The following MORC1 variants were observed in gnomAD, a reference collection of about 807,000 sequenced individuals.
MORC1 encodes MORC family CW-type zinc finger protein 1.
Under a neutral mutation model 134.9 loss-of-function variants are expected in MORC1, and 59 were observed. The ratio of observed to expected loss-of-function variants is 0.44; its 90% confidence interval spans 0.35 to 0.54. The LOEUF is 0.54. Among genes scored for constraint, MORC1 ranks in the 20% least tolerant of loss-of-function variants. MORC1 has a pLI of 0.00. For synonymous variants in MORC1, 395 were observed against 391.7 expected (o/e 1.01, Z -0.10); for missense variants, 947 against 1,134.5 (o/e 0.83, Z 2.37).
intron 14 of MORC1, among the ~76,000 whole-genome samples, chr3:109,050,120 T>C (rs543831727): frequency 6.6e-6 from 1 of 152,218 alleles, no homozygotes; most frequent in African/African-American, 2.4e-5. Flanking sequence ...GAATATCACT[T>C]CCTCAGGGAG....
Position 108,963,465 on chromosome 3 carries a change from C to T in MORC1, c.2748G>A (p.Lys916=). The part of the protein sequence containing the change: ...CENKRKISED[K]LKNLRIKLAL... Reference sequence around the variant, plus strand: ...CCAGTTTTATACGAAGATTCTTCAGCTTATCCTCAGAGATTTTTCTTTTAT... The same window carrying T: ...CCAGTTTTATACGAAGATTCTTCAGTTTATCCTCAGAGATTTTTCTTTTAT... Residue 916 remains lysine (K), a synonymous_variant, in exon 27 of 28, where the codon AAG becomes AAA. Transcript: ENST00000232603. 3 of 1,612,024 alleles carry T rather than the reference C, an allele frequency of 1.9e-6. No homozygotes were observed. The highest frequency in any genetic ancestry group is 2.5e-6 in the Non-Finnish European group (3 of 1,179,610).
chr3:108,996,244 A>G (rs1377323059), intron 21 of MORC1, among the ~76,000 whole-genome samples: 1 of 133,172 alleles, frequency 7.5e-6, no homozygotes, highest in Non-Finnish European at 1.7e-5. Flanking sequence ...CGCTACCACA[A>G]TACACATGCC....
chr3:108,979,768 G>T, intron 23 of MORC1, 101 bp from the exon 24 acceptor site: 1 of 1,384,716 alleles, frequency 7.2e-7, no homozygotes, highest in Non-Finnish European at 9.8e-7. Flanking sequence ...CAACAAATGA[G>T]AACAAGAACA....
chr3:109,069,515 G>T, intron 9 of MORC1, 117 bp downstream of exon 9: 1 of 1,029,182 alleles, frequency 9.7e-7, no homozygotes, highest in Non-Finnish European at 1.4e-6. Context: ...TTTAAATTTT[G>T]TTTACAATGT....
intron 14 of MORC1, among the ~76,000 whole-genome samples, chr3:109,052,482 G>T (rs1949852085): frequency 6.6e-6 from 1 of 152,114 alleles, no homozygotes; most frequent in Admixed American, 6.6e-5. Context: ...TTAGTGCACA[G>T]AACACACTCT....
chr3:109,074,281 A>G (rs1950377121), intron 8 of MORC1, among the ~76,000 whole-genome samples: 1 of 152,158 alleles, frequency 6.6e-6, no homozygotes, highest in Non-Finnish European at 1.5e-5. Context: ...AGCCAATTGC[A>G]TGGCATGCCT....
intron 17 of MORC1, among the ~76,000 whole-genome samples, chr3:109,022,286 T>C (rs1234532010): frequency 6.6e-6 from 1 of 152,160 alleles, no homozygotes; most frequent in Non-Finnish European, 1.5e-5. Flanking sequence ...AATGACACAT[T>C]AAAAAGATTA....
rs1282498490 is a variant in MORC1 at position 109,095,019 on chromosome 3, G to C, written c.473C>G (p.Thr158Arg). The C allele has an allele frequency of 1.9e-6, 3 of 1,592,080 alleles. No homozygotes were observed. In the African/African-American group the frequency reaches 4.1e-5, roughly 22 times the overall value. The change falls in exon 7 of 28, where the codon ACA (threonine) becomes AGA (arginine). Residue 158 changes from threonine (T) to arginine (R), a missense_variant. Around this residue, in one of 3 missense-constraint regions of MORC1, gnomAD observed 214 missense variants for 281.3 expected, o/e 0.76. Coordinates refer to ENST00000232603, the MANE Select transcript of MORC1 (RefSeq NM_014429.4). ...CATTGCAAATTTCTGGGGATCATCT[G>C]TGACAGATTCTCTGGTTCTTATTAA... is the stretch of plus-strand genomic sequence containing the variant. ...SWLIRTRESV[T>R]DDPQKFAMEL...
At chr3:109,015,867 C>A (rs576185298) in intron 17 of MORC1, among the ~76,000 whole-genome samples, 1 of 152,224 alleles carries the variant, frequency 6.6e-6, no homozygotes. Context: ...AGTTGAGTAT[C>A]TCTTATCCAA....
At chr3:109,084,377 G>A (rs1196284193) in intron 8 of MORC1, among the ~76,000 whole-genome samples, 3 of 151,900 alleles carry the variant, frequency 2.0e-5, no homozygotes, top group African/African-American at 7.3e-5. Context: ...ATCTAAAAAA[G>A]AAATCAAGAA....
chr3:109,008,636 C>T (rs572962776), intron 17 of MORC1, among the ~76,000 whole-genome samples: 1 of 151,066 alleles, frequency 6.6e-6, no homozygotes, highest in South Asian at 2.1e-4. Flanking sequence ...TTTATTTTAT[C>T]CTTTACTTTT....
At chr3:109,036,677 G>A (rs905163497) in intron 14 of MORC1, among the ~76,000 whole-genome samples, 2 of 152,072 alleles carry the variant, frequency 1.3e-5, no homozygotes, top group African/African-American at 4.8e-5. Context: ...TTGGCTCAGG[G>A]TGCTATGGGG....
At chr3:109,103,109 C>T (rs1050398614) in intron 4 of MORC1, among the ~76,000 whole-genome samples, 2 of 152,126 alleles carry the variant, frequency 1.3e-5, no homozygotes, top group Non-Finnish European at 2.9e-5. Context: ...TGGAACTGAC[C>T]ATGGCAGTTC....
chr3:109,030,016 G>T (rs1379750521), intron 16 of MORC1, among the ~76,000 whole-genome samples: 1 of 152,128 alleles, frequency 6.6e-6, no homozygotes, highest in African/African-American at 2.4e-5. Context: ...ATATATAATT[G>T]CAAAGTAAGA....
chr3:109,103,857 A>G lies in MORC1; in HGVS notation c.215T>C (p.Met72Thr). The change falls in exon 4 of 28, where the codon ATG (methionine) becomes ACG (threonine). Residue 72 changes from methionine (M) to threonine (T), a missense_variant. By Grantham distance (81) the Met-to-Thr change is moderately conservative. Coordinates refer to ENST00000232603, the MANE Select transcript of MORC1 (RefSeq NM_014429.4). ...MLCFLDDGCG[M>T]SPEEASDIIY... ...CTAGATAATTAACTTACCAGGGCTC[A>G]TGCCACATCCATCATCCAGGAAACA... is the stretch of plus-strand genomic sequence containing the variant. The G allele has an allele frequency of 6.2e-7, 1 of 1,613,778 alleles. No individual in the cohort carries two copies. Among genetic ancestry groups the G allele is most frequent in the South Asian group, 1.1e-5 (1 of 91,082 alleles).
chr3:109,029,792 G>T (rs1422011413), intron 16 of MORC1, among the ~76,000 whole-genome samples: 1 of 152,194 alleles, frequency 6.6e-6, no homozygotes, highest in Non-Finnish European at 1.5e-5. Flanking sequence ...AAAAGTATCT[G>T]AATGAAACTA....
intron 14 of MORC1, among the ~76,000 whole-genome samples, chr3:109,040,829 C>CAAAAAAAAAAAAAAAAAAAAAAAAA (rs59122147): frequency 9.2e-6 from 1 of 108,632 alleles, no homozygotes; most frequent in Admixed American, 8.7e-5. Flanking sequence ...AACTCTGTGT[C>CAAAAAAAAAAAAAAAAAAAAAAAAA]AAAAAAAAAA....
At chr3:108,996,459 A>G (rs1047855432) in intron 21 of MORC1, among the ~76,000 whole-genome samples, 10 of 152,194 alleles carry the variant, frequency 6.6e-5, no homozygotes, top group Non-Finnish European at 1.0e-4. Flanking sequence ...CCCATACCAA[A>G]TATCTCCGAA....
intron 7 of MORC1, 82 bp from the exon 8 acceptor site, chr3:109,093,623 A>G (rs1950771087): frequency 4.0e-6 from 4 of 1,000,464 alleles, no homozygotes; most frequent in African/African-American, 3.3e-5. Context: ...TCATCTATGG[A>G]ACTGAGTCTG....
Sources: gnomAD v4.1 joint callset for allele counts (sites outside exome capture counted in the v4.1 genomes callset) on GRCh38, gnomAD v4.1.1 for gene constraint, gnomAD v4.1.1 regional missense constraint, MANE v1.5 for transcripts, NCBI Gene and HGNC (gene_info 2026-07-23, HGNC 2026-07-21) for gene names.